Variants in ADCY8 observed in about 807,000 individuals in gnomAD.
ADCY8 encodes the protein adenylate cyclase 8.
A neutral mutation model predicts 119.7 loss-of-function variants in ADCY8; 51 were observed. That is an observed-to-expected ratio of 0.43 (90% CI 0.34 to 0.54). The LOEUF (loss-of-function observed/expected upper bound fraction) is 0.54. ADCY8 is among the 20% of genes least tolerant of loss of function. The pLI, the probability that ADCY8 is intolerant of heterozygous loss-of-function variation, is 0.03. For synonymous variants in ADCY8, 665 were observed against 651.0 expected (o/e 1.02, Z -0.33); for missense variants, 1,383 against 1,598.8 (o/e 0.87, Z 2.30).
At chr8:130,993,369 TA>T (rs1432461896) in intron 1 of ADCY8, among the ~76,000 whole-genome samples, 4 of 152,172 alleles carry the variant, frequency 2.6e-5, no homozygotes, top group African/African-American at 9.7e-5. Context: ...TGGTCTCTTT[TA>T]AAACAATTTT....
intron 12 of ADCY8, 113 bp from the exon 13 acceptor site, chr8:130,821,533 G>T (rs143905217): frequency 5.3e-6 from 4 of 747,836 alleles, no homozygotes; most frequent in Non-Finnish European, 6.8e-6. Flanking sequence ...CATCTTTTCA[G>T]CACCTATTAT....
At chr8:130,908,984 GCTCTCTCTCT>G (rs10532518) in intron 6 of ADCY8, among the ~76,000 whole-genome samples, 10 of 131,590 alleles carry the variant, frequency 7.6e-5, no homozygotes, top group Non-Finnish European at 1.6e-4. Flanking sequence ...ATGTGGAAGT[GCTCTCTCTCT>G]CTCTCTCTCT....
At chr8:130,840,989 C>T (rs898490011) in intron 11 of ADCY8, among the ~76,000 whole-genome samples, 8 of 152,000 alleles carry the variant, frequency 5.3e-5, no homozygotes, top group African/African-American at 1.7e-4. Flanking sequence ...AAGTCAAAGG[C>T]ATTTCAATAG....
intron 3 of ADCY8, among the ~76,000 whole-genome samples, chr8:130,950,281 A>G (rs1259598773): frequency 2.0e-5 from 3 of 152,250 alleles, no homozygotes; most frequent in Non-Finnish European, 4.4e-5. Flanking sequence ...CCAGGCACTT[A>G]AAGAAAATGA....
intron 5 of ADCY8, among the ~76,000 whole-genome samples, chr8:130,936,103 G>GTGTGTA (rs1201759650): frequency 2.4e-5 from 3 of 126,436 alleles, no homozygotes; most frequent in Admixed American, 1.7e-4. Context: ...GTGTGTGTGT[G>GTGTGTA]TGTGTGTATT....
intron 7 of ADCY8, among the ~76,000 whole-genome samples, chr8:130,891,897 T>C (rs1157516123): frequency 6.6e-6 from 1 of 152,192 alleles, no homozygotes; most frequent in Non-Finnish European, 1.5e-5. Flanking sequence ...TTTTCTTGTC[T>C]ATACTAAGAG....
At position 130,852,045 on chromosome 8, in the gene ADCY8, T is replaced by C. The variant is rs553612833; in HGVS notation, c.2211-2242A>G. On this transcript the variant is annotated intron_variant, in intron 9 of 17. Transcript: ENST00000286355. The stretch of plus-strand genomic sequence containing the variant: ...CAAGATGAGCTGTGGGGGATGCTAA[T>C]GGGCTGGAAGAAGAGAAGACAGCAA... 2.0e-5 allele frequency among the ~76,000 whole-genome samples: 3 copies of C among 152,092 alleles called. No homozygotes were observed. In the South Asian group the frequency reaches 6.2e-4, roughly 32 times the overall value.
chr8:130,862,139 A>G (rs1817952996), intron 9 of ADCY8, among the ~76,000 whole-genome samples: 1 of 152,068 alleles, frequency 6.6e-6, no homozygotes, highest in Admixed American at 6.5e-5. Context: ...TAGTAACTAG[A>G]TTTTAATTTT....
intron 3 of ADCY8, among the ~76,000 whole-genome samples, chr8:130,945,832 T>C (rs1464601839): frequency 1.3e-5 from 2 of 152,222 alleles, no homozygotes; most frequent in Admixed American, 6.5e-5. Context: ...TTGGTAATGC[T>C]CTGAGAGCCC....
intron 2 of ADCY8, among the ~76,000 whole-genome samples, chr8:130,984,255 T>C (rs903365549): frequency 2.0e-5 from 3 of 152,242 alleles, no homozygotes; most frequent in Middle Eastern, 3.4e-3. Flanking sequence ...GTGGGCTCCC[T>C]GTGGGGTAGA....
chr8:130,822,921 T>G (rs1353429954), intron 12 of ADCY8, among the ~76,000 whole-genome samples: 4 of 152,146 alleles, frequency 2.6e-5, no homozygotes, highest in Admixed American at 6.5e-5. Context: ...GGCCCACATT[T>G]CCCCCTTGCC....
chr8:130,896,003 A>G (rs1306301250), intron 7 of ADCY8, among the ~76,000 whole-genome samples: 1 of 150,584 alleles, frequency 6.6e-6, no homozygotes, highest in Non-Finnish European at 1.5e-5. Context: ...TTTGGTCTTG[A>G]GCAAAGAAAC....
intron 11 of ADCY8, among the ~76,000 whole-genome samples, chr8:130,837,646 T>C (rs1817029665): frequency 1.3e-5 from 2 of 152,234 alleles, no homozygotes; most frequent in African/African-American, 4.8e-5. Flanking sequence ...AGCCTATTCC[T>C]TCCCTTAGAG....
rs57221555 is a variant in ADCY8 at position 130,887,566 on chromosome 8, CA to C, written c.1912-2806del. Among the ~76,000 whole-genome samples, 122 of 152,248 alleles carry C rather than the reference CA, an allele frequency of 8.0e-4. 2 individuals are homozygous for C. The highest frequency in any genetic ancestry group is 2.7e-3 in the East Asian group (14 of 5,170). On this transcript the variant is annotated intron_variant, in intron 7 of 17. Transcript: ENST00000286355. ...CTCTGTCAATTACATATGACAATTA[CA>C]AATGCTGTTTGGCCAGCAACCTCTC...
intron 8 of ADCY8, among the ~76,000 whole-genome samples, chr8:130,877,499 C>T (rs536855566): frequency 2.0e-4 from 31 of 152,178 alleles, no homozygotes; most frequent in Non-Finnish European, 4.0e-4. Context: ...CTAGAGTGAA[C>T]ACTCTGAGCC....
chr8:130,879,325 C>T (rs928511687), intron 8 of ADCY8, among the ~76,000 whole-genome samples: 1 of 152,074 alleles, frequency 6.6e-6, no homozygotes, highest in African/African-American at 2.4e-5. Flanking sequence ...AAAAGATTGG[C>T]AATGAAGACA....
At chr8:130,849,917 C>A in intron 9 of ADCY8, 114 bp from the exon 10 acceptor site, 1 of 1,058,944 alleles carries the variant, frequency 9.4e-7, no homozygotes, top group Non-Finnish European at 1.4e-6. Flanking sequence ...TTTGAAAGTT[C>A]TGTTTGTCCA....
chr8:131,027,313 A>G (rs115919573), intron 1 of ADCY8, among the ~76,000 whole-genome samples: 1,595 of 152,342 alleles, frequency 0.01, 33 homozygotes, highest in African/African-American at 0.036. Context: ...GAATATTGCC[A>G]GGCAAGGAAG....
At chr8:130,970,252 T>C (rs113343546) in intron 2 of ADCY8, among the ~76,000 whole-genome samples, 1,888 of 152,308 alleles carry the variant, frequency 0.012, 44 homozygotes, top group African/African-American at 0.044. Context: ...TTCATCTGTA[T>C]TTACAGCCAC....
Sources: gnomAD v4.1 joint callset for allele counts (sites outside exome capture counted in the v4.1 genomes callset) on GRCh38, gnomAD v4.1.1 for gene constraint, MANE v1.5 for transcripts, NCBI Gene and HGNC (gene_info 2026-07-23, HGNC 2026-07-21) for gene names.